EPB41L3: variants seen among roughly 807,000 people sequenced by gnomAD.
EPB41L3 encodes the protein band 4.1-like protein 3.
Under a neutral mutation model 127.1 loss-of-function variants are expected in EPB41L3, and 57 were observed. The ratio of observed to expected loss-of-function variants is 0.45; its 90% CI spans 0.36 to 0.56. The LOEUF (loss-of-function observed/expected upper bound fraction) is 0.56. EPB41L3 is among the 20% of genes least tolerant of loss of function. EPB41L3 has a pLI of 0.00. For synonymous variants in EPB41L3, 572 were observed against 549.5 expected, an observed-to-expected ratio of 1.04 and a Z score of -0.57; for missense variants, 1,273 against 1,372.2, an observed-to-expected ratio of 0.93 and a Z score of 1.14.
intron 16 of EPB41L3, chr18:5,399,220 A>G (rs1167247018): frequency 2.5e-6 from 1 of 398,892 alleles, no homozygotes; most frequent in Non-Finnish European, 4.4e-6. Flanking sequence ...TCTCGAGCCA[A>G]TTCTTCGAAG....
rs868552343 is a variant in EPB41L3, at chr18:5,562,144, G to T, written c.-306+50196C>A. 2.6e-5 allele frequency among the ~76,000 whole-genome samples: 4 copies of T among 152,200 alleles called. No individual in the cohort carries two copies. In the East Asian group the frequency reaches 7.7e-4, roughly 29 times the overall value. On this transcript the variant is annotated intron_variant, in intron 3 of 21. Transcript: ENST00000545076. Reference sequence around the variant, plus strand: ...GAGATCTGAACAAAGTCTGCATTTTGTTAATAGTGTGTTACCAATGTTGGT... The same window carrying T: ...GAGATCTGAACAAAGTCTGCATTTTTTTAATAGTGTGTTACCAATGTTGGT...
chr18:5,479,997 TTAAG>T (rs1157654781), intron 2 of EPB41L3: 2 of 152,096 alleles, frequency 1.3e-5, no homozygotes, highest in Admixed American at 6.5e-5. Context: ...TTATGAACAT[TTAAG>T]TTTTATTTTT....
At chr18:5,443,287 T>C (rs1598997219) in intron 5 of EPB41L3, among the ~76,000 whole-genome samples, 1 of 152,272 alleles carries the variant, frequency 6.6e-6, no homozygotes, top group South Asian at 2.1e-4. Flanking sequence ...GAAAAATGTG[T>C]CATTTTAATT....
chr18:5,413,866 A>G (rs1024155036), intron 13 of EPB41L3, among the ~76,000 whole-genome samples: 6 of 152,198 alleles, frequency 3.9e-5, no homozygotes, highest in Admixed American at 2.0e-4. Flanking sequence ...GGAAGCTCCA[A>G]TCACACGTTC....
intron 3 of EPB41L3, among the ~76,000 whole-genome samples, chr18:5,609,539 GA>G (rs1363188827): frequency 6.6e-6 from 1 of 152,158 alleles, no homozygotes; most frequent in East Asian, 1.9e-4. Flanking sequence ...AACAAAGTTA[GA>G]ATTTAATATT....
intron 2 of EPB41L3, 155 bp downstream of exon 2, chr18:5,488,846 C>T: frequency 1.3e-6 from 1 of 775,190 alleles, no homozygotes. Flanking sequence ...TCACTGAAAG[C>T]CTTAAAATAG....
At chr18:5,484,086 CAAAAA>C (rs57231548) in intron 2 of EPB41L3, among the ~76,000 whole-genome samples, 21 of 18,246 alleles carry the variant, frequency 1.2e-3, no homozygotes, top group Admixed American at 1.5e-3. Flanking sequence ...CAAACAAACT[CAAAAA>C]AAAAAAAAAA....
chr18:5,503,444 G>A (rs530094576), intron 1 of EPB41L3, among the ~76,000 whole-genome samples: 1 of 152,148 alleles, frequency 6.6e-6, no homozygotes, highest in African/African-American at 2.4e-5. Flanking sequence ...TGGGTTCCAC[G>A]TCCACCAATT....
chr18:5,423,337 G>C (rs1443727875), intron 11 of EPB41L3, 41 bp downstream of exon 11: 1 of 1,494,654 alleles, frequency 6.7e-7, no homozygotes, highest in Non-Finnish European at 9.0e-7. Context: ...TTCTTTTTGG[G>C]GTAGGTACTA....
At chr18:5,498,607 A>AAAAAAAG (rs1435770150) in intron 1 of EPB41L3, among the ~76,000 whole-genome samples, 10 of 150,322 alleles carry the variant, frequency 6.7e-5, no homozygotes, top group Non-Finnish European at 1.3e-4. Context: ...AAAAAAAAAA[A>AAAAAAAG]AAAAGAAAAT....
upstream of EPB41L3, chr18:5,544,378 G>T (rs2149098182): frequency 1.0e-6 from 1 of 955,484 alleles, no homozygotes; most frequent in Non-Finnish European, 1.2e-6. Flanking sequence ...TGACCTTCAG[G>T]TGAGTTATTT....
At chr18:5,457,069 A>C (rs575570471) in intron 3 of EPB41L3, among the ~76,000 whole-genome samples, 2 of 152,248 alleles carry the variant, frequency 1.3e-5, no homozygotes, top group Non-Finnish European at 2.9e-5. Flanking sequence ...AAAACATATG[A>C]GTAGCATTTG....
In EPB41L3 at chr18:5,420,984, T is replaced by C. The variant is rs1338551154; in HGVS notation, c.1340-1107A>G. On this transcript the variant is annotated intron_variant, in intron 11 of 22. Transcript: ENST00000341928. ...AAAGCTCATATGAGACACAACTTCC[T>C]AATGGACCAGTTAGGCCATTCTCTG... is the stretch of plus-strand genomic sequence containing the variant. 2.0e-5 allele frequency among the ~76,000 whole-genome samples: 3 copies of C among 152,354 alleles called. No individual in the cohort carries two copies. The East Asian group carries it at 5.8e-4, about 29-fold the overall frequency.
chr18:5,535,879 G>A lies in EPB41L3; in HGVS notation c.-12+8034C>T, dbSNP rs144593897. ...TTCTGTTGTTGAGGACGAAGGAAGG[G>A]TTGGGAACTCAGAGAGAGATCAAAG... On this transcript the variant is annotated intron_variant, in intron 1 of 22. Coordinates refer to ENST00000341928, the MANE Select transcript of EPB41L3 (RefSeq NM_012307.5). 6.0e-3 allele frequency among the ~76,000 whole-genome samples: 914 copies of A among 152,304 alleles called. 11 individuals are homozygous for A. The highest frequency in any genetic ancestry group is 0.02 in the African/African-American group (846 of 41,558).
intron 16 of EPB41L3, among the ~76,000 whole-genome samples, chr18:5,402,756 C>A (rs917370781): frequency 6.6e-6 from 1 of 152,154 alleles, no homozygotes; most frequent in Admixed American, 6.5e-5. Context: ...GTTACTTAAA[C>A]ATTATAAGTT....
chr18:5,443,172 TG>T (rs1213209680), intron 5 of EPB41L3, among the ~76,000 whole-genome samples: 2 of 152,184 alleles, frequency 1.3e-5, no homozygotes, highest in Non-Finnish European at 2.9e-5. Context: ...ATTTTAATAT[TG>T]ACAATTGCCC....
At chr18:5,544,711 G>C (rs999338447), upstream of EPB41L3, among the ~76,000 whole-genome samples, 2 of 152,158 alleles carry the variant, frequency 1.3e-5, no homozygotes, top group African/African-American at 4.8e-5. Context: ...AAAAAGAATA[G>C]AGTGAATAAG....
chr18:5,486,852 A>T (rs762049903), intron 2 of EPB41L3, among the ~76,000 whole-genome samples: 2 of 152,246 alleles, frequency 1.3e-5, no homozygotes, highest in Non-Finnish European at 2.9e-5. Context: ...ATGTGGGGAA[A>T]GGAGAATCCT....
chr18:5,477,559 C>T (rs1051187487), intron 3 of EPB41L3, among the ~76,000 whole-genome samples: 1 of 152,120 alleles, frequency 6.6e-6, no homozygotes, highest in South Asian at 2.1e-4. Context: ...TCATGCCCTG[C>T]GTGAATCCTC....
Sources: allele counts gnomAD v4.1 joint callset (sites outside exome capture counted in the v4.1 genomes callset), GRCh38; gene constraint gnomAD v4.1.1; transcripts MANE v1.5; gene names NCBI Gene and HGNC (gene_info 2026-07-23, HGNC 2026-07-21).